Variants in NCL observed in about 807,000 individuals in gnomAD.
The protein encoded by NCL is nucleolin multifunctional protein.
NCL carries 4 observed loss-of-function variants against 77.7 expected under a neutral mutation model. That is an observed-to-expected ratio of 0.05 (90% CI 0.03 to 0.12). The LOEUF (loss-of-function observed/expected upper bound fraction) is 0.12, where lower values mean the gene tolerates loss of function less well. Ranked by LOEUF, NCL falls within the 10% of genes least tolerant of loss-of-function variation. The probability of loss-of-function intolerance (pLI) is 1.00; values close to 1 mark genes in which losing one functional copy is unlikely to be tolerated. For synonymous variants in NCL, 344 were observed against 297.8 expected (o/e 1.16, Z -1.60); for missense variants, 763 against 860.9 (o/e 0.89, Z 1.42).
rs1204905983 is a variant in NCL, at chr2:231,454,864, AAAC to A, written c.*324_*326del. The A allele has an allele frequency of 4.9e-5, 10 of 202,878 alleles. No individual in the cohort carries two copies. Among genetic ancestry groups the A allele is most frequent in the Non-Finnish European group, 7.9e-5 (8 of 101,642 alleles). 12.6% of individuals were successfully genotyped at this position (202,878 alleles called of 1,614,324 possible). On this transcript the variant is annotated 3_prime_UTR_variant, in exon 14 of 14. Coordinates refer to ENST00000322723, the MANE Select transcript of NCL (RefSeq NM_005381.3). ...ACGAACGCAAAAAAAAAAAAAACAAAAACAAAACAAAAAAAAGAAACAACAACA... is the reference window on the plus strand; with the variant it reads ...ACGAACGCAAAAAAAAAAAAAACAAAAAAACAAAAAAAAGAAACAACAACA...
chr2:231,463,323 TG>T lies in NCL; in HGVS notation c.19-8del. 6.4e-7 allele frequency: 1 copy of T among 1,558,622 alleles called. No individual in the cohort carries two copies. The highest frequency in any genetic ancestry group is 8.8e-7 in the Non-Finnish European group (1 of 1,132,162). On this transcript the variant is annotated splice_polypyrimidine_tract_variant and splice_region_variant and intron_variant, in intron 1 of 13. Coordinates refer to ENST00000322723, the MANE Select transcript of NCL (RefSeq NM_005381.3). Reference sequence around the variant, plus strand: ...CACCTTGATTTTTACCTGCCTAAAATGGACACAAATAGATCATTACACCTCC... The same window carrying T: ...CACCTTGATTTTTACCTGCCTAAAATGACACAAATAGATCATTACACCTCC...
At position 231,455,386 on chromosome 2, in the gene NCL, C is replaced by T. The variant is rs753574000; in HGVS notation, c.2056+15G>A. 5.0e-6 allele frequency: 8 copies of T among 1,613,956 alleles called. No homozygotes were observed. Among genetic ancestry groups the T allele is most frequent in the East Asian group, 2.2e-5 (1 of 44,894 alleles). ...AGCACATGCTATGTGGTGTCATTAT[C>T]TCTGCGTGCCTTACCTCCAAAGCCT... is the stretch of plus-strand genomic sequence containing the variant. On this transcript the variant is annotated intron_variant, in intron 13 of 13. Coordinates refer to ENST00000322723, the MANE Select transcript of NCL (RefSeq NM_005381.3).
rs149287104 is a variant in NCL, at chr2:231,457,768, T to A, written c.1322A>T (p.Asp441Val). The part of the protein sequence containing the change: ...IAYIEFKTEA[D>V]AEKTFEEKQG... ...CTTTTCTTCAAAGGTTTTCTCTGCATCAGCTTCTGTCTTAAATTCAATATA... is the reference window on the plus strand; with the variant it reads ...CTTTTCTTCAAAGGTTTTCTCTGCAACAGCTTCTGTCTTAAATTCAATATA... Residue 441 changes from aspartate to valine, a missense_variant, in exon 9 of 14, where the codon GAT (aspartate) becomes GTT (valine). This residue lies in a region of NCL where 590 missense variants were observed against 570.5 expected (regional missense o/e 1.03). Coordinates refer to ENST00000322723, the MANE Select transcript of NCL (RefSeq NM_005381.3). The A allele has an allele frequency of 2.5e-6, 4 of 1,611,742 alleles. No individual in the cohort carries two copies. Among genetic ancestry groups the A allele is most frequent in the South Asian group, 2.2e-5 (2 of 90,614 alleles).
chr2:231,458,220 G>T (rs1335038150), intron 8 of NCL, 46 bp downstream of exon 8: 1 of 1,588,534 alleles, frequency 6.3e-7, no homozygotes, highest in Non-Finnish European at 8.6e-7. Context: ...GCAGGAAAGT[G>T]CATTAATGTT....
At chr2:231,459,169 C>G in intron 6 of NCL, 44 bp from the exon 7 acceptor site, 1 of 1,501,116 alleles carries the variant, frequency 6.7e-7, no homozygotes, top group Non-Finnish European at 8.9e-7. Context: ...GGTGAAAACA[C>G]AAATCAAAAT....
rs192299745 is a variant in NCL, at chr2:231,463,275, A to T, written c.60T>A (p.Pro20=). Residue 20 remains proline, a synonymous_variant, in exon 2 of 14, where the codon CCT becomes CCA. Coordinates refer to ENST00000322723, the MANE Select transcript of NCL (RefSeq NM_005381.3). ...CACTATCTTCTTCTACCTCCTTTGG[A>T]GGAGGAGCCATTTTCTTGGGGTCAC... ...NQGDPKKMAP[P]PKEVEEDSED... 1.6e-5 allele frequency: 26 copies of T among 1,612,620 alleles called. No homozygotes were observed. The highest frequency in any genetic ancestry group is 2.2e-5 in the Non-Finnish European group (26 of 1,179,728).
intron 3 of NCL, 51 bp from the exon 4 acceptor site, chr2:231,460,917 G>A (rs763995669): frequency 5.1e-5 from 71 of 1,395,836 alleles, no homozygotes; most frequent in Admixed American, 1.4e-4. Flanking sequence ...AACCAACATC[G>A]GTTTTCAAAT....
chr2:231,458,629 G>A, intron 7 of NCL: 1 of 527,276 alleles, frequency 1.9e-6, no homozygotes, highest in Non-Finnish European at 3.3e-6. Context: ...ACCTAGAGTA[G>A]ACGCGCATAA....
chr2:231,458,697 G>T (rs988825908), intron 7 of NCL: 2 of 417,378 alleles, frequency 4.8e-6, no homozygotes, highest in Non-Finnish European at 8.5e-6. Context: ...GAGTAATTAG[G>T]GACCTAATCT....
chr2:231,456,357 G>C, intron 11 of NCL: 1 of 880,580 alleles, frequency 1.1e-6, no homozygotes, highest in East Asian at 2.4e-5. Flanking sequence ...ATCTTCTATG[G>C]AAAGTGGGAG....
At chr2:231,462,531 A>G in intron 2 of NCL, 1 of 513,718 alleles carries the variant, frequency 1.9e-6, no homozygotes, top group South Asian at 1.4e-5. Flanking sequence ...ACTATCACAC[A>G]TCAAAGAGTG....
chr2:231,464,238 G>A, intron 1 of NCL, 98 bp downstream of exon 1: 7 of 1,507,892 alleles, frequency 4.6e-6, no homozygotes, highest in Non-Finnish European at 6.3e-6. Flanking sequence ...GCCCTAGAAC[G>A]CGCCCGGGAC....
chr2:231,458,530 T>TG (rs2125634940), intron 7 of NCL, 141 bp from the exon 8 acceptor site: 1 of 1,052,366 alleles, frequency 9.5e-7, no homozygotes, highest in South Asian at 1.7e-5. Flanking sequence ...CGGTGCTAAA[T>TG]ATGGAGATAT....
At chr2:231,457,441 A>G (rs973738149) in intron 9 of NCL, 12 of 754,386 alleles carry the variant, frequency 1.6e-5, no homozygotes, top group East Asian at 2.7e-5. Context: ...CTGTATTCCA[A>G]TGCAAAATGA....
At position 231,455,134 on chromosome 2, in the gene NCL, G is replaced by A. The variant is rs2046871828; in HGVS notation, c.*57C>T. On this transcript the variant is annotated 3_prime_UTR_variant, in exon 14 of 14. Transcript: ENST00000322723. ...AGGCTCTGTCATTGATCAGGTAACAGTAAAAACCCCAGAGTCCTTTCTTTC... is the reference window on the plus strand; with the variant it reads ...AGGCTCTGTCATTGATCAGGTAACAATAAAAACCCCAGAGTCCTTTCTTTC... The A allele has an allele frequency of 1.9e-6, 3 of 1,594,532 alleles. No homozygotes were observed. Among genetic ancestry groups the A allele is most frequent in the East Asian group, 2.2e-5 (1 of 44,786 alleles).
rs2046955620 is a variant in NCL, at chr2:231,461,891, T to G, written c.262A>C (p.Lys88Gln). Residue 88 changes from lysine (K) to glutamine (Q), a missense_variant, in exon 3 of 14, where the codon AAG becomes CAG. This residue lies in a region of NCL where 590 missense variants were observed against 570.5 expected (regional missense o/e 1.03). Coordinates refer to ENST00000322723, the MANE Select transcript of NCL (RefSeq NM_005381.3). ...AKKAAVTPGK[K>Q]AAATPAKKTV... ...TTCTTGGCAGGTGTTGCTGCTGCCT[T>G]TTTGCCTGGAGTGACAGCTGCTTTC... The G allele has an allele frequency of 6.2e-7, 1 of 1,614,216 alleles. No homozygotes were observed. The highest frequency in any genetic ancestry group is 8.5e-7 in the Non-Finnish European group (1 of 1,180,034).
intron 6 of NCL, 150 bp downstream of exon 6, chr2:231,460,002 G>T: frequency 2.2e-6 from 2 of 923,560 alleles, no homozygotes; most frequent in Non-Finnish European, 1.6e-6. Flanking sequence ...GGGATCTACA[G>T]TTTAATTCTA....
chr2:231,459,925 A>G (rs577022649), intron 6 of NCL, among the ~76,000 whole-genome samples: 1 of 151,748 alleles, frequency 6.6e-6, no homozygotes, highest in East Asian at 2.1e-4. Flanking sequence ...AAAAACAACA[A>G]AAAAACTTAC....
rs768112567 is a variant in NCL at position 231,463,228 on chromosome 2, T to A, written c.107A>T (p.Asp36Val). 4.3e-6 allele frequency: 7 copies of A among 1,611,182 alleles called. No individual in the cohort carries two copies. The Admixed American group carries it at 1.2e-4, about 27-fold the overall frequency. ...EDSEDEEMSE[D>V]EEDDSSGEEV... ...TTCTCCACTGCTATCATCTTCTTCA[T>A]CTTCTGACATTTCCTCATCTTCACT... Residue 36 changes from aspartate to valine, a missense_variant, in exon 2 of 14, where the codon GAT becomes GTT. Asp to Val is a radical substitution (Grantham distance 152). This residue lies in a region of NCL where 590 missense variants were observed against 570.5 expected (regional missense o/e 1.03). Coordinates refer to ENST00000322723, the MANE Select transcript of NCL (RefSeq NM_005381.3).
Sources: allele counts gnomAD v4.1 joint callset (sites outside exome capture counted in the v4.1 genomes callset), GRCh38; gene constraint gnomAD v4.1.1; regional missense constraint gnomAD v4.1.1; transcripts MANE v1.5; gene names NCBI Gene and HGNC (gene_info 2026-07-23, HGNC 2026-07-21).